The following SLC35F3 variants were observed in gnomAD, a reference collection of about 807,000 sequenced individuals.
SLC35F3 encodes putative thiamine transporter SLC35F3.
Under a neutral mutation model 49.9 loss-of-function variants are expected in SLC35F3, and 25 were observed. The ratio of observed to expected loss-of-function variants is 0.50; its 90% CI spans 0.37 to 0.70. The LOEUF is 0.70. Among genes scored for constraint, SLC35F3 ranks in the 30% least tolerant of loss-of-function variants. SLC35F3 has a pLI of 0.00. For missense variants in SLC35F3, 525 were observed against 639.8 expected (o/e 0.82, Z 1.94); for synonymous variants, 275 against 265.4 (o/e 1.04, Z -0.35).
chr1:234,022,861 C>T (rs1450892716), intron 2 of SLC35F3, among the ~76,000 whole-genome samples: 4 of 152,136 alleles, frequency 2.6e-5, no homozygotes, highest in Non-Finnish European at 5.9e-5. Context: ...GTTTTCCATG[C>T]TATGCCAATC....
chr1:234,287,258 G>A (rs1342396834), intron 3 of SLC35F3, among the ~76,000 whole-genome samples: 1 of 152,058 alleles, frequency 6.6e-6, no homozygotes, highest in Non-Finnish European at 1.5e-5. Context: ...GCCAGACACT[G>A]CATTTTGCCA....
At chr1:233,938,574 C>T (rs1236998735) in intron 2 of SLC35F3, among the ~76,000 whole-genome samples, 1 of 151,890 alleles carries the variant, frequency 6.6e-6, no homozygotes, top group African/African-American at 2.4e-5. Context: ...GGTAATTATA[C>T]CTAAGGTCAG....
chr1:234,289,839 T>C (rs1668479617), intron 3 of SLC35F3, among the ~76,000 whole-genome samples: 1 of 152,100 alleles, frequency 6.6e-6, no homozygotes, highest in Admixed American at 6.5e-5. Context: ...AAGTCAAAAC[T>C]TATAAATCAC....
chr1:234,232,531 A>G (rs1024362282), intron 3 of SLC35F3, among the ~76,000 whole-genome samples: 1 of 149,000 alleles, frequency 6.7e-6, no homozygotes, highest in Non-Finnish European at 1.5e-5. Context: ...AAAAAAAAAA[A>G]AAAAAAAAAG....
At chr1:233,979,647 T>A (rs1203810507) in intron 2 of SLC35F3, among the ~76,000 whole-genome samples, 1 of 151,982 alleles carries the variant, frequency 6.6e-6, no homozygotes, top group Non-Finnish European at 1.5e-5. Flanking sequence ...TGCACTGTTT[T>A]AAAAAAAACT....
intron 3 of SLC35F3, chr1:234,272,294 A>C (rs1668120508): frequency 6.6e-6 from 1 of 152,240 alleles, no homozygotes; most frequent in South Asian, 2.1e-4. Flanking sequence ...ATTATTAATA[A>C]AACTTTTCAA....
intron 3 of SLC35F3, among the ~76,000 whole-genome samples, chr1:234,290,208 T>C (rs1668484336): frequency 6.6e-6 from 1 of 152,014 alleles, no homozygotes; most frequent in South Asian, 2.1e-4. Flanking sequence ...CAAGACACAA[T>C]GGAATGTTAA....
At chr1:233,956,476 G>C (rs1451020627) in intron 2 of SLC35F3, among the ~76,000 whole-genome samples, 1 of 152,196 alleles carries the variant, frequency 6.6e-6, no homozygotes, top group South Asian at 2.1e-4. Context: ...ATGGTTGTGG[G>C]GGAAAGGCAA....
chr1:234,130,331 C>T (rs942599065), intron 2 of SLC35F3, among the ~76,000 whole-genome samples: 1 of 152,142 alleles, frequency 6.6e-6, no homozygotes, highest in Non-Finnish European at 1.5e-5. Context: ...CACACCCACA[C>T]AGTAATTTTA....
Position 234,286,807 on chromosome 1 carries a change from C to T in SLC35F3, c.609-22294C>T, listed in dbSNP as rs568450663. Among the ~76,000 whole-genome samples the T allele has an allele frequency of 4.6e-5, 7 of 152,288 alleles. No individual in the cohort carries two copies. In the South Asian group the frequency reaches 8.3e-4, roughly 18 times the overall value. On this transcript the variant is annotated intron_variant, in intron 3 of 7. Transcript: ENST00000366618. ...AGGATAAAAGGGGAAACTTCTGTCA[C>T]GACATGACAAAGGCGGATTTCCTCA...
chr1:233,991,549 G>A (rs1196015395), intron 2 of SLC35F3, among the ~76,000 whole-genome samples: 3 of 152,100 alleles, frequency 2.0e-5, no homozygotes, highest in Non-Finnish European at 2.9e-5. Flanking sequence ...CTTTGTTCTT[G>A]GATTACTCTC....
At chr1:234,083,907 G>A (rs888708193) in intron 2 of SLC35F3, among the ~76,000 whole-genome samples, 14 of 150,414 alleles carry the variant, frequency 9.3e-5, no homozygotes, top group Non-Finnish European at 3.0e-5. Flanking sequence ...GCGTGATCTC[G>A]GCTCACCACA....
chr1:233,988,767 A>G (rs77996086), intron 2 of SLC35F3, among the ~76,000 whole-genome samples: 2,356 of 152,254 alleles, frequency 0.015, 86 homozygotes, highest in East Asian at 0.15. Flanking sequence ...ATCCTTTACT[A>G]TCATTTAAGT....
chr1:234,285,510 T>G (rs1156421517), intron 3 of SLC35F3: 1 of 372,136 alleles, frequency 2.7e-6, no homozygotes, highest in Admixed American at 3.5e-5. Context: ...CATCTATGTC[T>G]CTGTAACAGG....
intron 2 of SLC35F3, among the ~76,000 whole-genome samples, chr1:233,929,970 G>A (rs923450194): frequency 6.6e-6 from 1 of 152,144 alleles, no homozygotes; most frequent in African/African-American, 2.4e-5. Flanking sequence ...TCCTGGAGGT[G>A]AGGAAGATGA....
chr1:234,310,213 GTAGT>G (rs2102994403), intron 4 of SLC35F3, among the ~76,000 whole-genome samples: 1 of 152,274 alleles, frequency 6.6e-6, no homozygotes, highest in African/African-American at 2.4e-5. Context: ...TAGTTCTCCT[GTAGT>G]TAGTGTACAG....
chr1:234,066,210 C>T lies in SLC35F3; in HGVS notation c.283+160452C>T, dbSNP rs575864567. ...GAGTTACTAGGACCGTGGTTTTTTT[C>T]TTTGGCTGCCCGTTGCTCAAGCCTT... On this transcript the variant is annotated intron_variant, in intron 2 of 7. Coordinates refer to ENST00000366618, the MANE Select transcript of SLC35F3 (RefSeq NM_173508.4). 1.1e-3 allele frequency among the ~76,000 whole-genome samples: 167 copies of T among 152,158 alleles called. 1 individual carries two copies. In the South Asian group the frequency reaches 0.014, roughly 13 times the overall value.
In SLC35F3 at chr1:234,129,747, T is replaced by G. The variant is rs559429502; in HGVS notation, c.284-101670T>G. 3.3e-5 allele frequency among the ~76,000 whole-genome samples: 5 copies of G among 152,306 alleles called. No homozygotes were observed. The East Asian group carries it at 7.7e-4, about 23-fold the overall frequency. On this transcript the variant is annotated intron_variant, in intron 2 of 7. Coordinates refer to ENST00000366618, the MANE Select transcript of SLC35F3 (RefSeq NM_173508.4). ...ATAGATAATAGAAAAGAATACAGCA[T>G]TCATAAAAACATCCACACCTGCACT...
intron 5 of SLC35F3, among the ~76,000 whole-genome samples, chr1:234,317,022 C>T (rs917719349): frequency 1.3e-5 from 2 of 152,172 alleles, no homozygotes; most frequent in Non-Finnish European, 2.9e-5. Context: ...CAGTCAGATT[C>T]CTGACATCAT....
Sources: gnomAD v4.1 joint callset for allele counts (sites outside exome capture counted in the v4.1 genomes callset) on GRCh38, gnomAD v4.1.1 for gene constraint, MANE v1.5 for transcripts, NCBI Gene and HGNC (gene_info 2026-07-23, HGNC 2026-07-21) for gene names.